The following BMP7 variants were observed in gnomAD, a reference collection of about 807,000 sequenced individuals.
The protein encoded by BMP7 is osteogenic protein 1.
In BMP7, 12 loss-of-function variants were observed where a neutral mutation model predicts 41.2. That is an observed-to-expected ratio of 0.29 (90% confidence interval 0.19 to 0.47). The LOEUF is 0.47. Ranked by LOEUF, BMP7 falls within the 20% of genes least tolerant of loss-of-function variation. The probability of loss-of-function intolerance (pLI) is 0.99; values close to 1 mark genes in which losing one functional copy is unlikely to be tolerated. For missense variants in BMP7, 467 were observed against 606.0 expected (o/e 0.77, Z 2.41); for synonymous variants, 248 against 250.0 (o/e 0.99, Z 0.07).
chr20:57,202,667 C>A lies in BMP7; in HGVS notation c.612-44G>T. 3 of 1,461,426 alleles carry A rather than the reference C, an allele frequency of 2.1e-6. No homozygotes were observed. In the South Asian group the frequency reaches 3.4e-5, roughly 16 times the overall value. 90.5% of individuals were successfully genotyped at this position (1,461,426 alleles called of 1,614,324 possible). A position where few individuals can be genotyped will look rare whatever the true frequency, so the allele number is the denominator to read the frequency against. On this transcript the variant is annotated intron_variant, in intron 2 of 6. Coordinates refer to ENST00000395863, the MANE Select transcript of BMP7 (RefSeq NM_001719.3). Reference sequence around the variant, plus strand: ...GACACGGGCTTCGCGTTAGCCAGGTCACAGCTCCACTACCCCAACAGATGG... The same window carrying A: ...GACACGGGCTTCGCGTTAGCCAGGTAACAGCTCCACTACCCCAACAGATGG...
At chr20:57,200,866 C>G (rs1311932499) in intron 3 of BMP7, among the ~76,000 whole-genome samples, 1 of 151,642 alleles carries the variant, frequency 6.6e-6, no homozygotes, top group Non-Finnish European at 1.5e-5. Flanking sequence ...CGAAAAACGA[C>G]CTACACACCA....
At chr20:57,262,626 T>G (rs2066158408) in intron 1 of BMP7, among the ~76,000 whole-genome samples, 1 of 150,190 alleles carries the variant, frequency 6.7e-6, no homozygotes, top group Non-Finnish European at 1.5e-5. Context: ...CAGGCAAGGG[T>G]CCCCCCTCCC....
intron 1 of BMP7, among the ~76,000 whole-genome samples, chr20:57,242,326 G>A (rs1196450382): frequency 1.3e-5 from 2 of 152,208 alleles, no homozygotes; most frequent in African/African-American, 4.8e-5. Context: ...CTAGTGCTGA[G>A]TTGAGAGTCC....
chr20:57,234,100 G>T (rs6099506), intron 1 of BMP7, among the ~76,000 whole-genome samples: 12,817 of 151,926 alleles, frequency 0.084, 646 homozygotes, highest in Non-Finnish European at 0.11. Flanking sequence ...CCCATCCCTC[G>T]TGTATCTGTC....
chr20:57,184,869 G>A (rs114266288), intron 3 of BMP7, among the ~76,000 whole-genome samples: 2,577 of 152,270 alleles, frequency 0.017, 78 homozygotes, highest in African/African-American at 0.058. Flanking sequence ...TTTGTAAGAG[G>A]ACAACCCTGT....
intron 1 of BMP7, among the ~76,000 whole-genome samples, chr20:57,235,274 A>C (rs1320131767): frequency 6.6e-6 from 1 of 152,138 alleles, no homozygotes; most frequent in African/African-American, 2.4e-5. Context: ...GGGAGTTTCC[A>C]GTTTGAGCCA....
Position 57,215,327 on chromosome 20 carries a change from C to T in BMP7, c.612-12704G>A. ...CCCCATCACCTCTTCGGAGCCACCT[C>T]CTTTCCCCACATCAGGCAAAAATCA... On this transcript the variant is annotated intron_variant, in intron 2 of 6. Transcript: ENST00000395863. The surrounding 1 kb of genome is among the most constrained non-coding windows in gnomAD (Gnocchi z 4.2). Among the ~76,000 whole-genome samples, 1 of 152,226 alleles carries T rather than the reference C, an allele frequency of 6.6e-6. No individual in the cohort carries two copies. Among genetic ancestry groups the T allele is most frequent in the East Asian group, 1.9e-4 (1 of 5,204 alleles).
At chr20:57,252,949 T>G (rs2066119896) in intron 1 of BMP7, among the ~76,000 whole-genome samples, 1 of 152,150 alleles carries the variant, frequency 6.6e-6, no homozygotes, top group African/African-American at 2.4e-5. Flanking sequence ...CCAAACATCC[T>G]ATAATACACA....
intron 1 of BMP7, among the ~76,000 whole-genome samples, chr20:57,230,740 G>A (rs1266433717): frequency 3.3e-5 from 5 of 150,344 alleles, no homozygotes; most frequent in Admixed American, 6.6e-5. Flanking sequence ...GCAGTGGCGC[G>A]ATCTCGGCTT....
chr20:57,198,090 C>T lies in BMP7; in HGVS notation c.760+4385G>A, dbSNP rs55794980. On this transcript the variant is annotated intron_variant, in intron 3 of 6. Coordinates refer to ENST00000395863, the MANE Select transcript of BMP7 (RefSeq NM_001719.3). ...TCCCCTCCTCTCCTCTCGCTCTCCTCTCCCCCTTCTCTCCTCTTGCTCTCC... is the reference window on the plus strand; with the variant it reads ...TCCCCTCCTCTCCTCTCGCTCTCCTTTCCCCCTTCTCTCCTCTTGCTCTCC... 3.8e-3 allele frequency among the ~76,000 whole-genome samples: 573 copies of T among 150,114 alleles called. 1 individual carries two copies. Among genetic ancestry groups the T allele is most frequent in the Non-Finnish European group, 7.1e-3 (477 of 67,316 alleles).
chr20:57,257,770 G>A (rs1389050660), intron 1 of BMP7, among the ~76,000 whole-genome samples: 1 of 142,960 alleles, frequency 7.0e-6, no homozygotes, highest in Non-Finnish European at 1.5e-5. Context: ...GAATAAGGCT[G>A]TCTGAAAAAA....
chr20:57,227,798 GT>G lies in BMP7; in HGVS notation c.611+430del, dbSNP rs545901676. Reference sequence around the variant, plus strand: ...ATTCTTGGAAGGCTAAGAGTTCTCTGTTTTTTTTGGTTTGGGTTTTTTTCTT... The same window carrying G: ...ATTCTTGGAAGGCTAAGAGTTCTCTGTTTTTTTGGTTTGGGTTTTTTTCTT... On this transcript the variant is annotated intron_variant, in intron 2 of 6. Transcript: ENST00000395863. 3.8e-3 allele frequency among the ~76,000 whole-genome samples: 575 copies of G among 151,962 alleles called. 1 individual carries two copies. The highest frequency in any genetic ancestry group is 5.7e-3 in the Non-Finnish European group (384 of 67,912).
In BMP7 at chr20:57,236,691, G is replaced by A. The variant is rs74487068; in HGVS notation, c.419-8270C>T. ...GGGGCAGGGAGACCCCTCTTCCAGGGACCATTCACTGGATTTGGTCACTGG... is the reference window on the plus strand; with the variant it reads ...GGGGCAGGGAGACCCCTCTTCCAGGAACCATTCACTGGATTTGGTCACTGG... On this transcript the variant is annotated intron_variant, in intron 1 of 6. Transcript: ENST00000395863. Among the ~76,000 whole-genome samples, 470 of 151,884 alleles carry A rather than the reference G, an allele frequency of 3.1e-3. 5 individuals carry two copies. The South Asian group carries it at 0.033, about 11-fold the overall frequency.
At chr20:57,223,229 CAAA>C (rs35071781) in intron 2 of BMP7, among the ~76,000 whole-genome samples, 2 of 62,402 alleles carry the variant, frequency 3.2e-5, no homozygotes. Context: ...GACTCCATCT[CAAA>C]AAAAAAAAAA....
Position 57,213,167 on chromosome 20 carries a change from GGCCAGCTGACTGCAGACAGCACC to G in BMP7, c.612-10567_612-10545del, listed in dbSNP as rs1411278156. On this transcript the variant is annotated intron_variant, in intron 2 of 6. Transcript: ENST00000395863. The surrounding 1 kb of genome is among the most constrained non-coding windows in gnomAD (Gnocchi z 4.4). ...CGGCTGTCTGTCTCCCTCTGGGCAG[GGCCAGCTGACTGCAGACAGCACC>G]AACCCAGCCACTCATGGGAAAGTCA... Among the ~76,000 whole-genome samples the G allele has an allele frequency of 2.6e-5, 4 of 152,142 alleles. No homozygotes were observed. Among genetic ancestry groups the G allele is most frequent in the African/African-American group, 9.7e-5 (4 of 41,416 alleles).
At chr20:57,217,130 G>A (rs77902212) in intron 2 of BMP7, among the ~76,000 whole-genome samples, 3,961 of 152,192 alleles carry the variant, frequency 0.026, 70 homozygotes, top group Non-Finnish European at 0.027. Flanking sequence ...TTGTTGGGAG[G>A]CTCCTGGTTC....
rs1984648878 is a variant in BMP7, at chr20:57,202,607, G to C, written c.628C>G (p.Leu210Val). ...GCCCAGAGGGTACGGCTGTCGAGCA[G>C]GAAGAGATCCGATTCCCTGCGAGAG... The part of the protein sequence containing the change: ...EHLGRESDLF[L>V]LDSRTLWASE... The change falls in exon 3 of 7, where the codon CTG (leucine) becomes GTG (valine). Residue 210 changes from leucine to valine, a missense_variant. Coordinates refer to ENST00000395863, the MANE Select transcript of BMP7 (RefSeq NM_001719.3). 4 of 1,611,994 alleles carry C rather than the reference G, an allele frequency of 2.5e-6. No homozygotes were observed. The highest frequency in any genetic ancestry group is 3.4e-6 in the Non-Finnish European group (4 of 1,180,014).
intron 3 of BMP7, among the ~76,000 whole-genome samples, chr20:57,193,287 T>C (rs957240554): frequency 1.3e-5 from 2 of 152,128 alleles, no homozygotes; most frequent in African/African-American, 4.8e-5. Flanking sequence ...GTGATGCTGC[T>C]CCCCAAGAGA....
At chr20:57,252,732 G>A (rs564391679) in intron 1 of BMP7, among the ~76,000 whole-genome samples, 82 of 152,228 alleles carry the variant, frequency 5.4e-4, no homozygotes, top group Admixed American at 2.3e-3. Context: ...AAAATAACCC[G>A]TCCATCTAGA....
Sources: gnomAD v4.1 joint callset for allele counts (sites outside exome capture counted in the v4.1 genomes callset) on GRCh38, gnomAD v4.1.1 for gene constraint, Gnocchi (gnomAD v3.1) non-coding constraint, MANE v1.5 for transcripts, NCBI Gene and HGNC (gene_info 2026-07-23, HGNC 2026-07-21) for gene names.